The following MYO5C variants were observed in gnomAD, a reference collection of about 807,000 sequenced individuals.
The protein encoded by MYO5C is myosin VC.
Under a neutral mutation model 235.7 loss-of-function variants are expected in MYO5C, and 194 were observed. The ratio of observed to expected loss-of-function variants is 0.82; its 90% CI spans 0.73 to 0.93. The LOEUF is 0.93. Among genes scored for constraint, MYO5C ranks in the 40% least tolerant of loss-of-function variants. The probability of loss-of-function intolerance (pLI) is 0.00; values close to 1 mark genes in which losing one functional copy is unlikely to be tolerated. For synonymous variants in MYO5C, 707 were observed against 754.8 expected (o/e 0.94, Z 1.04); for missense variants, 2,038 against 2,127.2 (o/e 0.96, Z 0.82).
chr15:52,241,904 C>T (rs2036232883), intron 20 of MYO5C, 144 bp downstream of exon 20: 2 of 956,268 alleles, frequency 2.1e-6, no homozygotes, highest in South Asian at 3.3e-5. Flanking sequence ...AGCCACAGCA[C>T]CTGGAAGAAT....
In MYO5C at chr15:52,223,562, C is replaced by T. The variant is rs2035749322; in HGVS notation, c.3609G>A (p.Arg1203=). 6.2e-7 allele frequency: 1 copy of T among 1,613,850 alleles called. No homozygotes were observed. Among genetic ancestry groups the T allele is most frequent in the Non-Finnish European group, 8.5e-7 (1 of 1,179,866 alleles). The change falls in exon 29 of 41, where the codon AGG becomes AGA. Residue 1203 remains arginine, a synonymous_variant. Transcript: ENST00000261839. ...ACCATACCATGTTCTCTGATGTTAG[C>T]CTGGTAACTTCATGACGGATGCTTT... ...INESIRHEVT[R]LTSENMMIPD...
In MYO5C at chr15:52,192,692, T is replaced by TG. The variant is rs1267368268; in HGVS notation, c.*1209dup. On this transcript the variant is annotated 3_prime_UTR_variant, in exon 41 of 41. Transcript: ENST00000261839. ...AGGAATAGCCAGTTCCCATAAAACT[T>TG]GGGAAACGTAGATTTCTCAAAAGTA... is the stretch of plus-strand genomic sequence containing the variant. 2 of 152,212 alleles carry TG rather than the reference T, an allele frequency of 1.3e-5. No individual in the cohort carries two copies. Among genetic ancestry groups the TG allele is most frequent in the South Asian group, 4.1e-4 (2 of 4,836 alleles). 9.4% of individuals were successfully genotyped at this position (152,212 alleles called of 1,614,324 possible).
intron 38 of MYO5C, among the ~76,000 whole-genome samples, chr15:52,203,730 CTT>C (rs1343458633): frequency 6.6e-6 from 1 of 152,166 alleles, no homozygotes; most frequent in Non-Finnish European, 1.5e-5. Context: ...CTTATTCATT[CTT>C]TCTCTCTTTT....
chr15:52,278,044 A>G (rs2037089766), intron 4 of MYO5C: 1 of 441,082 alleles, frequency 2.3e-6, no homozygotes, highest in Non-Finnish European at 4.6e-6. Flanking sequence ...AATGAGGGCA[A>G]TGAAGTCAGT....
chr15:52,239,206 C>G (rs955120244), intron 21 of MYO5C, among the ~76,000 whole-genome samples: 1 of 152,206 alleles, frequency 6.6e-6, no homozygotes, highest in African/African-American at 2.4e-5. Flanking sequence ...CCCCCATGGC[C>G]TCCCAAAGTG....
chr15:52,277,263 A>G, intron 4 of MYO5C: 1 of 523,944 alleles, frequency 1.9e-6, no homozygotes, highest in Non-Finnish European at 3.9e-6. Flanking sequence ...GCAGTTACAC[A>G]GACAGACCTC....
intron 8 of MYO5C, among the ~76,000 whole-genome samples, chr15:52,266,350 T>C (rs1052040037): frequency 6.6e-6 from 1 of 152,052 alleles, no homozygotes; most frequent in Non-Finnish European, 1.5e-5. Flanking sequence ...AGGGCAAGGA[T>C]CATAGCAACA....
At chr15:52,250,031 T>C (rs2036438762) in intron 13 of MYO5C, among the ~76,000 whole-genome samples, 1 of 152,132 alleles carries the variant, frequency 6.6e-6, no homozygotes, top group Non-Finnish European at 1.5e-5. Context: ...CTACATCCTA[T>C]AAAGAGAGAC....
chr15:52,193,862 C>T lies in MYO5C; in HGVS notation c.*40G>A, dbSNP rs754514487. On this transcript the variant is annotated 3_prime_UTR_variant, in exon 41 of 41. Transcript: ENST00000261839. ...ACACATCCCTCATATTGAACCTTCA[C>T]TTAGCTTTTGAAGAAAAAGTGCATT... 1 of 1,588,854 alleles carries T rather than the reference C, an allele frequency of 6.3e-7. No homozygotes were observed. The highest frequency in any genetic ancestry group is 1.9e-5 in the Admixed American group (1 of 53,432).
At position 52,223,710 on chromosome 15, in the gene MYO5C, T is replaced by TGA. The variant is rs767822832; in HGVS notation, c.3460_3461insTC (p.His1154LeufsTer17). On this transcript the variant is annotated frameshift_variant, in exon 29 of 41. Transcript: ENST00000261839. LOFTEE classifies it high-confidence loss of function. ...ATAGCAATCCTTCTGAGACTGGAAA[T>TGA]GGCTCTCCAAAACACTATTAAAGGA... 1 of 1,613,974 alleles carries TGA rather than the reference T, an allele frequency of 6.2e-7. No homozygotes were observed. Among genetic ancestry groups the TGA allele is most frequent in the Non-Finnish European group, 8.5e-7 (1 of 1,179,950 alleles).
chr15:52,258,451 A>G (rs2036625769), intron 10 of MYO5C, among the ~76,000 whole-genome samples: 1 of 152,126 alleles, frequency 6.6e-6, no homozygotes, highest in South Asian at 2.1e-4. Flanking sequence ...GGGTCCAAAG[A>G]ACATAAATAC....
chr15:52,244,162 C>T (rs570073816), intron 19 of MYO5C, among the ~76,000 whole-genome samples, 194 bp downstream of exon 19: 55 of 152,278 alleles, frequency 3.6e-4, no homozygotes, highest in Non-Finnish European at 6.6e-4. Context: ...AGACACCAGG[C>T]AGAGCCAGCA....
intron 1 of MYO5C, among the ~76,000 whole-genome samples, chr15:52,285,467 CTCCTCTCCCTCCTCTCCCTCCTCTCCG>C (rs1377217449): frequency 1.3e-5 from 2 of 148,980 alleles, no homozygotes; most frequent in Admixed American, 6.6e-5. Flanking sequence ...TCCCGTCTCC[CTCCTCTCCCTCCTCTCCCTCCTCTCCG>C]TCCTCTCCCT....
At chr15:52,289,203 C>G (rs936042344) in intron 1 of MYO5C, among the ~76,000 whole-genome samples, 1 of 151,752 alleles carries the variant, frequency 6.6e-6, no homozygotes, top group Admixed American at 6.6e-5. Context: ...CCCCCATGTC[C>G]GTGTCTCCCA....
rs973507379 is a variant in MYO5C, at chr15:52,245,370, A to G, written c.2162T>C (p.Leu721Ser). 2 of 1,613,708 alleles carry G rather than the reference A, an allele frequency of 1.2e-6. No homozygotes were observed. The highest frequency in any genetic ancestry group is 3.3e-5 in the Admixed American group (2 of 60,006). ...SDKKEVCKVV[L>S]HRLIQDSNQY... ...GAAACTGACCTGGATGAGTCTGTGT[A>G]AAACCACCTTGCACACCTCCTTTTT... is the stretch of plus-strand genomic sequence containing the variant. The change falls in exon 18 of 41, where the codon TTA (leucine) becomes TCA (serine). Residue 721 changes from leucine (L) to serine (S), a missense_variant. Coordinates refer to ENST00000261839, the MANE Select transcript of MYO5C (RefSeq NM_018728.4).
Position 52,223,140 on chromosome 15 carries a change from C to G in MYO5C, c.3627+404G>C, listed in dbSNP as rs1311856614. Among the ~76,000 whole-genome samples the G allele has an allele frequency of 3.6e-5, 3 of 84,274 alleles. No individual in the cohort carries two copies. The East Asian group carries it at 8.9e-4, about 25-fold the overall frequency. 55.3% of individuals were successfully genotyped at this position (84,274 alleles called of 152,430 possible). On this transcript the variant is annotated intron_variant, in intron 29 of 40. Coordinates refer to ENST00000261839, the MANE Select transcript of MYO5C (RefSeq NM_018728.4). ...CTCCAGCCTGGGCAACAGAGTGAGA[C>G]TTCATCTCAAAAAAAAAAAAAAAAA...
At position 52,223,712 on chromosome 15, in the gene MYO5C, G is replaced by A; in HGVS notation, c.3459C>T (p.Ser1153=). 6.2e-7 allele frequency: 1 copy of A among 1,613,754 alleles called. No individual in the cohort carries two copies. Among genetic ancestry groups the A allele is most frequent in the South Asian group, 1.1e-5 (1 of 90,986 alleles). The stretch of plus-strand genomic sequence containing the variant: ...AGCAATCCTTCTGAGACTGGAAATG[G>A]CTCTCCAAAACACTATTAAAGGAGG... The part of the protein sequence containing the change: ...GLKKATRVLE[S]HFQSQKDCYE... The change falls in exon 29 of 41, where the codon AGC becomes AGT. Residue 1153 remains serine (S), a synonymous_variant. Transcript: ENST00000261839.
chr15:52,291,842 C>T (rs1477977140), intron 1 of MYO5C, among the ~76,000 whole-genome samples: 2 of 142,856 alleles, frequency 1.4e-5, no homozygotes, highest in Non-Finnish European at 3.0e-5. Context: ...GGGTTCACGC[C>T]ATTCTCCTGC....
At chr15:52,274,118 C>T (rs2036985524) in intron 5 of MYO5C, among the ~76,000 whole-genome samples, 1 of 152,176 alleles carries the variant, frequency 6.6e-6, no homozygotes, top group African/African-American at 2.4e-5. Flanking sequence ...TGCCTGCCAA[C>T]ATGTCTTTAC....
Sources: gnomAD v4.1 joint callset for allele counts (sites outside exome capture counted in the v4.1 genomes callset) on GRCh38, gnomAD v4.1.1 for gene constraint, MANE v1.5 for transcripts, NCBI Gene and HGNC (gene_info 2026-07-23, HGNC 2026-07-21) for gene names.